RNASET2: variants seen among roughly 807,000 people sequenced by gnomAD.
The protein encoded by RNASET2 is ribonuclease 6.
In RNASET2, 28 loss-of-function variants were observed where a neutral mutation model predicts 33.9. The ratio of observed to expected loss-of-function variants is 0.83; its 90% CI spans 0.61 to 1.13. The LOEUF is 1.13. RNASET2 is among the 50% of genes most tolerant of loss of function. The pLI is 0.00. For synonymous variants in RNASET2, 123 were observed against 121.0 expected (o/e 1.02, Z -0.11); for missense variants, 330 against 319.9 (o/e 1.03, Z -0.24).
rs1326491226 is a variant in RNASET2 at position 166,922,185 on chromosome 6, C to G, written c.*7403G>C. On this transcript the variant is annotated 3_prime_UTR_variant, in exon 9 of 9. Coordinates refer to ENST00000508775, the MANE Select transcript of RNASET2 (RefSeq NM_003730.6). Reference sequence around the variant, plus strand: ...CTAACTGCTAAGCATATATGTTGATCATGTTTACATGTTTATGTTGGGGAC... The same window carrying G: ...CTAACTGCTAAGCATATATGTTGATGATGTTTACATGTTTATGTTGGGGAC... Among the ~76,000 whole-genome samples the G allele has an allele frequency of 6.6e-6, 1 of 152,088 alleles. No individual in the cohort carries two copies. The highest frequency in any genetic ancestry group is 2.4e-5 in the African/African-American group (1 of 41,382).
At chr6:166,943,329 A>G (rs899358411) in intron 4 of RNASET2, 5 of 419,034 alleles carry the variant, frequency 1.2e-5, no homozygotes, top group African/African-American at 1.0e-4. Flanking sequence ...GTGAAGGGAT[A>G]AAGTGTACAT....
rs1215864735 is a variant in RNASET2, at chr6:166,930,591, CACATGCACACATGCATGT to C, written c.567+435_567+452del. Among the ~76,000 whole-genome samples the C allele has an allele frequency of 3.7e-4, 56 of 151,120 alleles. 2 individuals are homozygous for C. The highest frequency in any genetic ancestry group is 1.0e-3 in the South Asian group (5 of 4,768). On this transcript the variant is annotated intron_variant, in intron 8 of 8. Transcript: ENST00000508775. ...CATGCACACACATGCACACACACAG[CACATGCACACATGCATGT>C]ACATGCACACACAGCACATGCCCAC...
intron 1 of RNASET2, among the ~76,000 whole-genome samples, 186 bp downstream of exon 1, chr6:166,955,911 G>A (rs931018813): frequency 6.7e-6 from 1 of 149,454 alleles, no homozygotes; most frequent in Non-Finnish European, 1.5e-5. Flanking sequence ...GGGTCACCCC[G>A]AGGCGTGCTC....
rs61635852 is a variant in RNASET2, at chr6:166,942,058, C to CTT, written c.332+959_332+960dup. On this transcript the variant is annotated intron_variant, in intron 5 of 8. Coordinates refer to ENST00000508775, the MANE Select transcript of RNASET2 (RefSeq NM_003730.6). ...AGATCATCATTTTAGAAGACATCTT[C>CTT]TTTTTTTTTTTTGAGATGGAATCTT... is the stretch of plus-strand genomic sequence containing the variant. Among the ~76,000 whole-genome samples, 23 of 127,220 alleles carry CTT rather than the reference C, an allele frequency of 1.8e-4. 1 individual carries two copies. Among genetic ancestry groups the CTT allele is most frequent in the African/African-American group, 6.8e-4 (22 of 32,578 alleles). The allele number at this position is 127,220 out of a possible 152,430, so 83.5% of individuals were successfully genotyped here.
Position 166,923,961 on chromosome 6 carries a change from C to T in RNASET2, c.*5627G>A, listed in dbSNP as rs1778269194. On this transcript the variant is annotated 3_prime_UTR_variant, in exon 9 of 9. Coordinates refer to ENST00000508775, the MANE Select transcript of RNASET2 (RefSeq NM_003730.6). ...TTACAATTCTCAGCTGCCTTAGGACCTGCATTAAATTATTTTTATTCCTGA... is the reference window on the plus strand; with the variant it reads ...TTACAATTCTCAGCTGCCTTAGGACTTGCATTAAATTATTTTTATTCCTGA... Among the ~76,000 whole-genome samples, 3 of 152,158 alleles carry T rather than the reference C, an allele frequency of 2.0e-5. No homozygotes were observed. The highest frequency in any genetic ancestry group is 4.1e-4 in the South Asian group (2 of 4,832).
intron 5 of RNASET2, among the ~76,000 whole-genome samples, 162 bp downstream of exon 5, chr6:166,942,857 G>A (rs1323842256): frequency 2.0e-5 from 3 of 152,156 alleles, no homozygotes; most frequent in African/African-American, 4.8e-5. Flanking sequence ...CAAAAATGCC[G>A]TAACAGAATC....
rs1166525812 is a variant in RNASET2, at chr6:166,937,626, ATATACCTGG to A, written c.446+1260_446+1268del. ...TAGGTCTGTGTACGTTTCTTAGTGT[ATATACCTGG>A]TAGTGCAGATTTTAAGAGCTGGAAG... On this transcript the variant is annotated intron_variant, in intron 6 of 8. Transcript: ENST00000508775. Among the ~76,000 whole-genome samples the A allele has an allele frequency of 2.0e-5, 3 of 152,366 alleles. No individual in the cohort carries two copies. In the East Asian group the frequency reaches 5.8e-4, roughly 29 times the overall value.
rs1778249325 is a variant in RNASET2, at chr6:166,922,425, C to T, written c.*7163G>A. ...AAAACCACTTGATTTCCAGGAATTGCCATAGGCTAGAGTCTCAGGTGTATA... is the reference window on the plus strand; with the variant it reads ...AAAACCACTTGATTTCCAGGAATTGTCATAGGCTAGAGTCTCAGGTGTATA... On this transcript the variant is annotated 3_prime_UTR_variant, in exon 9 of 9. Coordinates refer to ENST00000508775, the MANE Select transcript of RNASET2 (RefSeq NM_003730.6). Among the ~76,000 whole-genome samples the T allele has an allele frequency of 6.6e-6, 1 of 152,186 alleles. No homozygotes were observed. The highest frequency in any genetic ancestry group is 2.4e-5 in the African/African-American group (1 of 41,458).
chr6:166,945,986 C>T (rs143986883), intron 4 of RNASET2, among the ~76,000 whole-genome samples: 49 of 152,292 alleles, frequency 3.2e-4, no homozygotes, highest in Middle Eastern at 3.4e-3. Flanking sequence ...AGTTACCACC[C>T]CCTCCCTGGG....
chr6:166,938,883 G>A lies in RNASET2; in HGVS notation c.446+12C>T, dbSNP rs776901655. The A allele has an allele frequency of 4.3e-5, 68 of 1,579,456 alleles. No individual in the cohort carries two copies. In the South Asian group the frequency reaches 7.0e-4, roughly 16 times the overall value. On this transcript the variant is annotated intron_variant, in intron 6 of 8. Coordinates refer to ENST00000508775, the MANE Select transcript of RNASET2 (RefSeq NM_003730.6). ...CCACTGGGAAGTGCAGCCGGGGGAA[G>A]GGCGCACCCACCTGTTGAGGTCCAG...
intron 1 of RNASET2, chr6:166,953,009 A>G: frequency 4.6e-6 from 1 of 215,838 alleles, no homozygotes; most frequent in Admixed American, 5.2e-5. Flanking sequence ...CTGAACTAGC[A>G]TAACGCTATT....
In RNASET2 at chr6:166,925,918, T is replaced by G. The variant is rs1778297917; in HGVS notation, c.*3670A>C. ...GCACTGCCAACAGGGCAGGAGGGATTGAGGGAATGTCCCTGAGCCGCCATA... is the reference window on the plus strand; with the variant it reads ...GCACTGCCAACAGGGCAGGAGGGATGGAGGGAATGTCCCTGAGCCGCCATA... On this transcript the variant is annotated 3_prime_UTR_variant, in exon 9 of 9. Transcript: ENST00000508775. Among the ~76,000 whole-genome samples, 1 of 152,094 alleles carries G rather than the reference T, an allele frequency of 6.6e-6. No homozygotes were observed. Among genetic ancestry groups the G allele is most frequent in the South Asian group, 2.1e-4 (1 of 4,824 alleles).
chr6:166,939,231 G>C (rs181529763), intron 5 of RNASET2, among the ~76,000 whole-genome samples: 1 of 152,158 alleles, frequency 6.6e-6, no homozygotes. Context: ...CTACTCAGGA[G>C]GCTGAGGAGG....
At chr6:166,936,481 G>A (rs1254319502) in intron 6 of RNASET2, among the ~76,000 whole-genome samples, 1 of 152,178 alleles carries the variant, frequency 6.6e-6, no homozygotes. Context: ...GAGAAGCATG[G>A]AACCAGATTC....
At chr6:166,946,619 T>G (rs1028289255) in intron 4 of RNASET2, 63 bp downstream of exon 4, 2 of 904,248 alleles carry the variant, frequency 2.2e-6, no homozygotes, top group Non-Finnish European at 3.6e-6. Flanking sequence ...AAGGTACGCT[T>G]GTGAAGAAAA....
At chr6:166,955,311 A>G (rs1335243559) in intron 1 of RNASET2, among the ~76,000 whole-genome samples, 7 of 40,120 alleles carry the variant, frequency 1.7e-4, no homozygotes, top group African/African-American at 8.5e-4. Context: ...CACACACGAC[A>G]CACACGCACA....
intron 5 of RNASET2, among the ~76,000 whole-genome samples, chr6:166,940,295 C>G (rs1004418918): frequency 2.0e-5 from 3 of 152,234 alleles, no homozygotes; most frequent in African/African-American, 7.2e-5. Flanking sequence ...AAAACACAAT[C>G]TAAATGTGCA....
At chr6:166,931,407 C>T (rs939575482) in intron 7 of RNASET2, 14 of 484,026 alleles carry the variant, frequency 2.9e-5, no homozygotes, top group African/African-American at 9.8e-5. Flanking sequence ...TCTTTCTGGG[C>T]CCCGAGCTGT....
At chr6:166,947,847 GT>G (rs1432369233) in intron 3 of RNASET2, among the ~76,000 whole-genome samples, 20 of 152,180 alleles carry the variant, frequency 1.3e-4, no homozygotes, top group African/African-American at 3.9e-4. Context: ...TCACAAGTAT[GT>G]CCATGTTACA....
Sources: gnomAD v4.1 joint callset for allele counts (sites outside exome capture counted in the v4.1 genomes callset) on GRCh38, gnomAD v4.1.1 for gene constraint, MANE v1.5 for transcripts, NCBI Gene and HGNC (gene_info 2026-07-23, HGNC 2026-07-21) for gene names.